KDM1B: variants seen among roughly 807,000 people sequenced by gnomAD.
KDM1B encodes the protein lysine demethylase 1B, also known as lysine-specific histone demethylase 2.
KDM1B carries 63 observed loss-of-function variants against 107.4 expected under a neutral mutation model. The ratio of observed to expected loss-of-function variants is 0.59; its 90% confidence interval spans 0.48 to 0.72. The LOEUF (loss-of-function observed/expected upper bound fraction) is 0.72. Ranked by LOEUF, KDM1B falls within the 30% of genes least tolerant of loss-of-function variation. KDM1B has a pLI of 0.00. For missense variants in KDM1B, 749 were observed against 1,020.8 expected, an observed-to-expected ratio of 0.73 and a Z score of 3.63; for synonymous variants, 363 against 363.9, an observed-to-expected ratio of 1.00 and a Z score of 0.03.
chr6:18,189,434 A>G (rs182853304), intron 9 of KDM1B, among the ~76,000 whole-genome samples: 31 of 152,348 alleles, frequency 2.0e-4, no homozygotes, highest in Admixed American at 1.8e-3. Context: ...CAGCAGTGCT[A>G]TTTCTAGGAA....
chr6:18,175,977 A>AG (rs1785972625), intron 7 of KDM1B, among the ~76,000 whole-genome samples: 1 of 151,296 alleles, frequency 6.6e-6, no homozygotes, highest in Non-Finnish European at 1.5e-5. Flanking sequence ...TATGAGTTTT[A>AG]GAATTTTTTC....
At chr6:18,190,012 G>T (rs1787165621) in intron 9 of KDM1B, among the ~76,000 whole-genome samples, 1 of 152,160 alleles carries the variant, frequency 6.6e-6, no homozygotes, top group Admixed American at 6.5e-5. Context: ...TTAGCCAGGT[G>T]TGTGGTATGT....
intron 3 of KDM1B, among the ~76,000 whole-genome samples, chr6:18,160,452 G>C (rs771090637): frequency 1.5e-4 from 23 of 152,078 alleles, no homozygotes; most frequent in Non-Finnish European, 2.9e-4. Flanking sequence ...TAAAATAGAG[G>C]GGGCCAGGCA....
At chr6:18,195,824 C>A (rs1455987766) in intron 10 of KDM1B, among the ~76,000 whole-genome samples, 2 of 151,664 alleles carry the variant, frequency 1.3e-5, no homozygotes, top group Non-Finnish European at 2.9e-5. Flanking sequence ...ATATAGTTAC[C>A]TTTTTTGTCT....
intron 7 of KDM1B, among the ~76,000 whole-genome samples, chr6:18,176,167 GAC>G (rs774402283): frequency 6.6e-6 from 1 of 152,074 alleles, no homozygotes; most frequent in Non-Finnish European, 1.5e-5. Context: ...GAGGTCTTTA[GAC>G]TCCTTGGTTA....
chr6:18,188,033 C>G, intron 9 of KDM1B, 31 bp downstream of exon 9: 1 of 1,522,576 alleles, frequency 6.6e-7, no homozygotes, highest in African/African-American at 1.4e-5. Flanking sequence ...TCCCTGCTTT[C>G]TATTCCCCGC....
intron 7 of KDM1B, among the ~76,000 whole-genome samples, chr6:18,175,380 G>A (rs1287647324): frequency 6.6e-6 from 1 of 152,108 alleles, no homozygotes; most frequent in Non-Finnish European, 1.5e-5. Flanking sequence ...ATTCTGGATA[G>A]TAGTCCTTTG....
chr6:18,193,236 A>T (rs892347130), intron 10 of KDM1B, among the ~76,000 whole-genome samples: 1 of 149,352 alleles, frequency 6.7e-6, no homozygotes, highest in East Asian at 2.0e-4. Flanking sequence ...ACTTAATACT[A>T]TAGTGGGAAA....
chr6:18,163,842 T>C (rs9396834), intron 5 of KDM1B, among the ~76,000 whole-genome samples: 52,073 of 152,018 alleles, frequency 0.34, 9,063 homozygotes, highest in East Asian at 0.52. Flanking sequence ...GCCCGTAATG[T>C]AGTGTATCTT....
intron 7 of KDM1B, among the ~76,000 whole-genome samples, chr6:18,177,590 G>A (rs971423959): frequency 6.6e-6 from 1 of 151,288 alleles, no homozygotes; most frequent in Non-Finnish European, 1.5e-5. Flanking sequence ...AAAATTTTCT[G>A]TAGTGACAGG....
At chr6:18,173,184 T>C (rs111958305) in intron 7 of KDM1B, among the ~76,000 whole-genome samples, 1 of 152,142 alleles carries the variant, frequency 6.6e-6, no homozygotes, top group South Asian at 2.1e-4. Flanking sequence ...GGTTGTACCA[T>C]ACTACAACAT....
In KDM1B at chr6:18,211,227, T is replaced by G. The variant is rs1192354927; in HGVS notation, c.1867-1261T>G. Among the ~76,000 whole-genome samples, 1 of 152,216 alleles carries G rather than the reference T, an allele frequency of 6.6e-6. No homozygotes were observed. Among genetic ancestry groups the G allele is most frequent in the African/African-American group, 2.4e-5 (1 of 41,458 alleles). On this transcript the variant is annotated intron_variant, in intron 17 of 21. Transcript: ENST00000650836. This position sits in a 1 kb window ranked among gnomAD's most constrained non-coding sequence, Gnocchi z 5.2. Reference sequence around the variant, plus strand: ...GAGAACTCTGAACTTCCTGTGATCCTAGAATTGAGAGTTAAGCCAAATATA... The same window carrying G: ...GAGAACTCTGAACTTCCTGTGATCCGAGAATTGAGAGTTAAGCCAAATATA...
chr6:18,194,257 C>T (rs931501924), intron 10 of KDM1B, among the ~76,000 whole-genome samples: 1 of 152,172 alleles, frequency 6.6e-6, no homozygotes, highest in Non-Finnish European at 1.5e-5. Flanking sequence ...TCAGGTGATC[C>T]ACCCGCCTTG....
chr6:18,184,273 C>CTTCTTTTTTTTTTTTTTTTTTT (rs1554144142), intron 7 of KDM1B, among the ~76,000 whole-genome samples: 17 of 116,672 alleles, frequency 1.5e-4, no homozygotes, highest in Non-Finnish European at 2.1e-4. Flanking sequence ...GTTCTAGCTT[C>CTTCTTTTTTTTTTTTTTTTTTT]TTTTTTTTTT....
Position 18,200,371 on chromosome 6 carries a change from T to C in KDM1B, c.1222-68T>C. 6.2e-6 allele frequency: 9 copies of C among 1,457,592 alleles called. No homozygotes were observed. Among genetic ancestry groups the C allele is most frequent in the Non-Finnish European group, 7.5e-6 (8 of 1,072,718 alleles). 90.3% of individuals were successfully genotyped at this position (1,457,592 alleles called of 1,614,324 possible). A position where few individuals can be genotyped will look rare whatever the true frequency, so the allele number is the denominator to read the frequency against. Reference sequence around the variant, plus strand: ...GCTATTTAACAGTGTCCTTCTACATTTTTATAATACTGTGTCTGATATAAC... The same window carrying C: ...GCTATTTAACAGTGTCCTTCTACATCTTTATAATACTGTGTCTGATATAAC... On this transcript the variant is annotated intron_variant, in intron 12 of 21. Coordinates refer to ENST00000650836, the MANE Select transcript of KDM1B (RefSeq NM_001364614.2). This position sits in a 1 kb window ranked among gnomAD's most constrained non-coding sequence, Gnocchi z 4.3.
At chr6:18,221,504 ACT>A (rs1301739222) in intron 21 of KDM1B, among the ~76,000 whole-genome samples, 1 of 151,390 alleles carries the variant, frequency 6.6e-6, no homozygotes, top group Non-Finnish European at 1.5e-5. Flanking sequence ...GAGTAACGTA[ACT>A]CTCTACCTAT....
chr6:18,191,899 C>A lies in KDM1B; in HGVS notation c.969+518C>A, dbSNP rs999261655. The stretch of plus-strand genomic sequence containing the variant: ...GTCTAAATACATGTTAGGGCTGTCA[C>A]ACTGTACCCACCTTGAAAAAGGTGA... On this transcript the variant is annotated intron_variant, in intron 10 of 21. Coordinates refer to ENST00000650836, the MANE Select transcript of KDM1B (RefSeq NM_001364614.2). This position sits in a 1 kb window ranked among gnomAD's most constrained non-coding sequence, Gnocchi z 5.1. 6.6e-6 allele frequency among the ~76,000 whole-genome samples: 1 copy of A among 151,584 alleles called. No homozygotes were observed.
At chr6:18,195,472 G>A (rs1001201936) in intron 10 of KDM1B, among the ~76,000 whole-genome samples, 7 of 152,254 alleles carry the variant, frequency 4.6e-5, no homozygotes, top group African/African-American at 1.2e-4. Flanking sequence ...GGTGGCTCAC[G>A]CCTGTAGTCC....
rs1788457494 is a variant in KDM1B at position 18,207,423 on chromosome 6, A to G, written c.1685A>G (p.Asn562Ser). Reference sequence around the variant, plus strand: ...GTATCTGCTCGCTCGTGGGACCACAATGAATTCTTTGCCCAGTTTGCTGGT... The same window carrying G: ...GTATCTGCTCGCTCGTGGGACCACAGTGAATTCTTTGCCCAGTTTGCTGGT... ...HQVSARSWDH[N>S]EFFAQFAGDH... Residue 562 changes from asparagine (N) to serine (S), a missense_variant, in exon 16 of 22, where the codon AAT becomes AGT. By Grantham distance (46) the Asn-to-Ser change is conservative. Coordinates refer to ENST00000650836, the MANE Select transcript of KDM1B (RefSeq NM_001364614.2). The G allele has an allele frequency of 3.1e-6, 5 of 1,614,160 alleles. No individual in the cohort carries two copies. Among genetic ancestry groups the G allele is most frequent in the South Asian group, 1.1e-5 (1 of 91,076 alleles).
Sources: allele counts gnomAD v4.1 joint callset (sites outside exome capture counted in the v4.1 genomes callset), GRCh38; gene constraint gnomAD v4.1.1; non-coding constraint Gnocchi (gnomAD v3.1); transcripts MANE v1.5; gene names NCBI Gene and HGNC (gene_info 2026-07-23, HGNC 2026-07-21).